TEX11: variants seen among roughly 807,000 people sequenced by gnomAD.
TEX11 encodes testis-expressed protein 11.
TEX11 carries 7 observed loss-of-function variants against 84.4 expected under a neutral mutation model. The observed-to-expected ratio is 0.08, with a 90% CI of 0.05 to 0.16. TEX11 has a LOEUF of 0.16. Ranked by LOEUF, TEX11 falls within the 10% of genes least tolerant of loss-of-function variation. TEX11 has a pLI of 1.00. For missense variants in TEX11, 551 were observed against 660.5 expected (o/e 0.83, Z 1.82); for synonymous variants, 264 against 222.8 (o/e 1.18, Z -1.64).
At chrX:70,677,853 C>T (rs1456632271) in intron 15 of TEX11, among the ~76,000 whole-genome samples, 3 of 81,511 alleles carry the variant, frequency 3.7e-5, no homozygotes, top group African/African-American at 1.0e-4. Context: ...CTTGCTCTGT[C>T]GCCAGGCTGG....
chrX:70,699,687 G>A (rs1263529351), intron 13 of TEX11, among the ~76,000 whole-genome samples: 2 of 111,446 alleles, frequency 1.8e-5, no homozygotes, highest in Non-Finnish European at 3.8e-5. Context: ...GAAAACAAAC[G>A]ATAAAAGCCT....
intron 4 of TEX11, among the ~76,000 whole-genome samples, chrX:70,863,866 T>C (rs2091583609): frequency 9.0e-6 from 1 of 111,118 alleles, no homozygotes; most frequent in Non-Finnish European, 1.9e-5. Flanking sequence ...GAATAACCAG[T>C]TTAGAGAGGA....
At chrX:70,843,372 T>G (rs2091458916) in intron 7 of TEX11, among the ~76,000 whole-genome samples, 1 of 111,825 alleles carries the variant, frequency 8.9e-6, no homozygotes, top group Non-Finnish European at 1.9e-5. Flanking sequence ...ATTCCCTATT[T>G]AATAAATGGT....
intron 10 of TEX11, 45 bp downstream of exon 10, chrX:70,744,120 G>A (rs2090752542): frequency 2.4e-6 from 2 of 823,522 alleles, no homozygotes; most frequent in Admixed American, 3.6e-5. Flanking sequence ...ATAAAATAAA[G>A]CAGGTTATTC....
intron 25 of TEX11, among the ~76,000 whole-genome samples, chrX:70,587,332 T>C (rs2088866786): frequency 8.9e-6 from 1 of 111,953 alleles, no homozygotes; most frequent in South Asian, 3.7e-4. Flanking sequence ...TCTGGAGGCC[T>C]AGGAGGGAAA....
rs1248365558 is a variant in TEX11 at position 70,680,603 on chromosome X, C to T, written c.1157-1714G>A. 3.7e-5 allele frequency among the ~76,000 whole-genome samples: 4 copies of T among 108,391 alleles called. No individual in the cohort carries two copies. The East Asian group carries it at 1.1e-3, about 31-fold the overall frequency. The allele number at this position is 108,391 out of a possible 115,157, so 94.1% of individuals were successfully genotyped here. A position where few individuals can be genotyped will look rare whatever the true frequency, so the allele number is the denominator to read the frequency against. ...TTAAAAAAAAAAAAAAAAAGAATCT[C>T]GGTCTATTACATTAAGTAAAGAGAG... is the stretch of plus-strand genomic sequence containing the variant. On this transcript the variant is annotated intron_variant, in intron 14 of 29. Coordinates refer to ENST00000374333, the MANE Select transcript of TEX11 (RefSeq NM_031276.3).
intron 20 of TEX11, among the ~76,000 whole-genome samples, chrX:70,615,995 C>T (rs969158577): frequency 1.8e-5 from 2 of 111,225 alleles, no homozygotes; most frequent in Non-Finnish European, 3.8e-5. Context: ...TGAGGGATTT[C>T]GTCAACACCA....
rs1481970956 is a variant in TEX11 at position 70,777,765 on chromosome X, G to A, written c.692+28940C>T. Among the ~76,000 whole-genome samples the A allele has an allele frequency of 2.7e-5, 3 of 110,713 alleles. No individual in the cohort carries two copies. The East Asian group carries it at 8.4e-4, about 31-fold the overall frequency. On this transcript the variant is annotated intron_variant, in intron 9 of 29. Coordinates refer to ENST00000374333, the MANE Select transcript of TEX11 (RefSeq NM_031276.3). Reference sequence around the variant, plus strand: ...TTATAGCTGATACACACAAAATAAAGAAGAAGGGATCAAACCATACCACTA... The same window carrying A: ...TTATAGCTGATACACACAAAATAAAAAAGAAGGGATCAAACCATACCACTA...
At chrX:70,590,949 G>A (rs182674020) in intron 25 of TEX11, among the ~76,000 whole-genome samples, 42 of 110,526 alleles carry the variant, frequency 3.8e-4, no homozygotes, top group Admixed American at 6.8e-4. Flanking sequence ...GGCTTTCTCC[G>A]TGTTGGTCAG....
chrX:70,623,877 A>C lies in TEX11; in HGVS notation c.1751+73T>G, dbSNP rs1397454532. 3 of 951,358 alleles carry C rather than the reference A, an allele frequency of 3.2e-6. No homozygotes were observed. The Admixed American group carries it at 7.3e-5, about 23-fold the overall frequency. The allele number at this position is 951,358 out of a possible 1,213,427, so 78.4% of individuals were successfully genotyped here. Reference sequence around the variant, plus strand: ...TACCCACTACACTAAGTATCTCTGAATATATGATTTATATTGTAAGTTACT... The same window carrying C: ...TACCCACTACACTAAGTATCTCTGACTATATGATTTATATTGTAAGTTACT... On this transcript the variant is annotated intron_variant, in intron 20 of 29. Transcript: ENST00000374333.
chrX:70,556,772 A>G (rs1296023027), intron 25 of TEX11, among the ~76,000 whole-genome samples: 2 of 111,391 alleles, frequency 1.8e-5, no homozygotes, highest in Admixed American at 9.6e-5. Context: ...TTTTAGTTCT[A>G]GCAGTTTTTG....
At chrX:70,881,504 C>G (rs1420596411) in intron 2 of TEX11, among the ~76,000 whole-genome samples, 1 of 110,603 alleles carries the variant, frequency 9.0e-6, no homozygotes, top group Non-Finnish European at 1.9e-5. Flanking sequence ...TGTTAATATT[C>G]ATAACAGTAC....
chrX:70,512,322 G>T, the TEX11 span, among the ~76,000 whole-genome samples: 3 of 108,065 alleles, frequency 2.8e-5, no homozygotes, highest in South Asian at 4.0e-4. Context: ...GAGTTCAAGC[G>T]ATTCTGATGC....
intron 2 of TEX11, among the ~76,000 whole-genome samples, chrX:70,884,662 G>C (rs1006472109): frequency 1.8e-5 from 2 of 110,731 alleles, no homozygotes; most frequent in African/African-American, 6.5e-5. Context: ...ATGACAAATT[G>C]GATATGGTAC....
chrX:70,829,251 G>A (rs751171630), intron 8 of TEX11, among the ~76,000 whole-genome samples: 8 of 111,682 alleles, frequency 7.2e-5, no homozygotes, highest in African/African-American at 2.6e-4. Context: ...GGAGGCCGAG[G>A]CAGGTGGATC....
rs1946368284 is a variant in TEX11, at chrX:70,689,434, A to T, written c.1005-6609T>A. 2.7e-5 allele frequency among the ~76,000 whole-genome samples: 3 copies of T among 111,392 alleles called. No individual in the cohort carries two copies. The South Asian group carries it at 1.1e-3, about 42-fold the overall frequency. Reference sequence around the variant, plus strand: ...ATACTTTGCCAGTGAGAGGAACTAGACCTCCTAGGAGAAATGGTTGATTCC... The same window carrying T: ...ATACTTTGCCAGTGAGAGGAACTAGTCCTCCTAGGAGAAATGGTTGATTCC... On this transcript the variant is annotated intron_variant, in intron 13 of 29. Transcript: ENST00000374333.
intron 20 of TEX11, among the ~76,000 whole-genome samples, chrX:70,621,553 T>A (rs12690262): frequency 5.6e-3 from 90 of 16,146 alleles, no homozygotes; most frequent in African/African-American, 6.9e-3. Flanking sequence ...AAAAAAAAAA[T>A]ATATATATAT....
intron 17 of TEX11, among the ~76,000 whole-genome samples, chrX:70,649,701 G>A (rs771925206): frequency 1.8e-5 from 2 of 111,584 alleles, no homozygotes; most frequent in Admixed American, 9.6e-5. Flanking sequence ...TTGAACCTGG[G>A]AGGTGGAGAT....
At chrX:70,890,729 C>A (rs747710113) in intron 2 of TEX11, among the ~76,000 whole-genome samples, 1 of 112,544 alleles carries the variant, frequency 8.9e-6, no homozygotes, top group East Asian at 2.8e-4. Context: ...GAGCCCACCG[C>A]AGCTCAGCAA....
Sources: allele counts gnomAD v4.1 joint callset (sites outside exome capture counted in the v4.1 genomes callset), GRCh38; gene constraint gnomAD v4.1.1; transcripts MANE v1.5; gene names NCBI Gene and HGNC (gene_info 2026-07-23, HGNC 2026-07-21).